NEK2: variants seen among roughly 807,000 people sequenced by gnomAD.
NEK2 encodes NIMA related kinase 2, also known as serine/threonine-protein kinase Nek2.
Under a neutral mutation model 54.1 loss-of-function variants are expected in NEK2, and 28 were observed. The observed-to-expected ratio is 0.52, with a 90% CI of 0.38 to 0.71. NEK2 has a LOEUF of 0.71. NEK2 is among the 30% of genes least tolerant of loss of function. NEK2 has a pLI of 0.00. For missense variants in NEK2, 407 were observed against 531.5 expected, an observed-to-expected ratio of 0.77 and a Z score of 2.30; for synonymous variants, 176 against 193.1, an observed-to-expected ratio of 0.91 and a Z score of 0.73.
chr1:211,670,130 CA>C lies in NEK2; in HGVS notation c.765+150del, dbSNP rs1655324095. Reference sequence around the variant, plus strand: ...AAGGATGTGCAATTTGCCAAATTTACATATGTTTTCACTTGTGTTAACACAG... The same window carrying C: ...AAGGATGTGCAATTTGCCAAATTTACTATGTTTTCACTTGTGTTAACACAG... On this transcript the variant is annotated intron_variant, in intron 5 of 7. Coordinates refer to ENST00000366999, the MANE Select transcript of NEK2 (RefSeq NM_002497.4). 7 of 771,694 alleles carry C rather than the reference CA, an allele frequency of 9.1e-6. 1 individual carries two copies. In the South Asian group the frequency reaches 2.5e-4, roughly 27 times the overall value. 47.8% of individuals were successfully genotyped at this position (771,694 alleles called of 1,614,324 possible).
intron 3 of NEK2, 145 bp downstream of exon 3, chr1:211,673,338 T>C: frequency 1.1e-6 from 1 of 935,940 alleles, no homozygotes; most frequent in Non-Finnish European, 1.6e-6. Flanking sequence ...CCTTTGAACC[T>C]GGGAGGCAGA....
intron 7 of NEK2, chr1:211,666,422 T>C (rs1375024145): frequency 1.2e-6 from 1 of 847,256 alleles, no homozygotes; most frequent in Non-Finnish European, 1.4e-6. Context: ...CATGGCAATA[T>C]TAAAATGTTT....
At chr1:211,667,369 C>T (rs2102441843) in intron 6 of NEK2, 138 bp from the exon 7 acceptor site, 1 of 678,262 alleles carries the variant, frequency 1.5e-6, no homozygotes, top group Non-Finnish European at 2.3e-6. Context: ...TCTCACTATG[C>T]CTCAGTCAAC....
chr1:211,670,130 CAT>C (rs1655324172), intron 5 of NEK2, 149 bp downstream of exon 5: 1 of 771,812 alleles, frequency 1.3e-6, no homozygotes, highest in Non-Finnish European at 1.9e-6. Flanking sequence ...GCCAAATTTA[CAT>C]ATGTTTTCAC....
Position 211,674,425 on chromosome 1 carries a change from A to C in NEK2, c.185T>G (p.Leu62Arg), listed in dbSNP as rs764749288. ...GTAACGAACGATGTTTGGATGTTTCAGTTCACGAAGCAAATTCACTTCAGA... is the reference window on the plus strand; with the variant it reads ...GTAACGAACGATGTTTGGATGTTTCCGTTCACGAAGCAAATTCACTTCAGA... Reference protein sequence around the residue: ...LVSEVNLLRELKHPNIVRYYD... With the variant: ...LVSEVNLLRERKHPNIVRYYD... The change falls in exon 2 of 8, where the codon CTG (leucine) becomes CGG (arginine). Residue 62 changes from leucine to arginine, a missense_variant. Coordinates refer to ENST00000366999, the MANE Select transcript of NEK2 (RefSeq NM_002497.4). The C allele has an allele frequency of 6.8e-6, 11 of 1,614,154 alleles. No individual in the cohort carries two copies.
chr1:211,663,387 T>C lies in NEK2; in HGVS notation c.*39A>G. 6.3e-7 allele frequency: 1 copy of C among 1,575,602 alleles called. No homozygotes were observed. Among genetic ancestry groups the C allele is most frequent in the Admixed American group, 1.9e-5 (1 of 54,042 alleles). On this transcript the variant is annotated 3_prime_UTR_variant, in exon 8 of 8. Coordinates refer to ENST00000366999, the MANE Select transcript of NEK2 (RefSeq NM_002497.4). ...AATATCAGTCTTTAAAGGTTGGTAA[T>C]ATTACATCCTGTACACAGCTCTGTG...
downstream of NEK2, chr1:211,660,383 G>T: frequency 3.2e-6 from 2 of 631,106 alleles, no homozygotes; most frequent in Non-Finnish European, 6.1e-6. Context: ...GCCTCCTTCT[G>T]CCCCTAATTC....
intron 5 of NEK2, 123 bp from the exon 6 acceptor site, chr1:211,669,455 T>C: frequency 1.2e-6 from 1 of 869,392 alleles, no homozygotes; most frequent in East Asian, 2.6e-5. Flanking sequence ...CCTTTATGGC[T>C]AGGTCTTAAA....
chr1:211,659,111 C>G (rs1571635499), downstream of NEK2, among the ~76,000 whole-genome samples: 1 of 151,894 alleles, frequency 6.6e-6, no homozygotes, highest in East Asian at 1.9e-4. Context: ...TTCTAAGTCT[C>G]TACACAAATT....
At position 211,673,705 on chromosome 1, in the gene NEK2, C is replaced by T. The variant is rs1195699209; in HGVS notation, c.333G>A (p.Glu111=). The T allele has an allele frequency of 6.2e-7, 1 of 1,614,168 alleles. No individual in the cohort carries two copies. Among genetic ancestry groups the T allele is most frequent in the South Asian group, 1.1e-5 (1 of 91,084 alleles). The change falls in exon 3 of 8, where the codon GAG becomes GAA. Residue 111 remains glutamate (E), a synonymous_variant. Transcript: ENST00000366999. ...ACTGAGTCATCACTCGAAGAACAAA[C>T]TCTTCATCTAAGTATTGCCTAAAAC... ...GTKERQYLDE[E]FVLRVMTQLT... is the part of the protein sequence containing the mutation.
At chr1:211,671,944 A>G (rs1014152491) in intron 3 of NEK2, among the ~76,000 whole-genome samples, 1 of 152,248 alleles carries the variant, frequency 6.6e-6, no homozygotes, top group African/African-American at 2.4e-5. Context: ...GAAAAGGAAC[A>G]AAAGAATAGG....
chr1:211,675,401 T>G lies in NEK2; in HGVS notation c.79A>C (p.Arg27=). 1 of 1,613,854 alleles carries G rather than the reference T, an allele frequency of 6.2e-7. No individual in the cohort carries two copies. Among genetic ancestry groups the G allele is most frequent in the Non-Finnish European group, 8.5e-7 (1 of 1,179,762 alleles). ...GSYGRCQKIR[R]KSDGKILVWK... is the part of the protein sequence containing the mutation. ...ACGCTCACCTTGCCATCACTCTTCCTCCGGATCTTCTGGCAGCGGCCGTAG... is the reference window on the plus strand; with the variant it reads ...ACGCTCACCTTGCCATCACTCTTCCGCCGGATCTTCTGGCAGCGGCCGTAG... The change falls in exon 1 of 8, where the codon AGG becomes CGG. Residue 27 remains arginine (R), a synonymous_variant. Transcript: ENST00000366999.
intron 4 of NEK2, 144 bp downstream of exon 4, chr1:211,671,058 C>A: frequency 1.6e-6 from 1 of 645,012 alleles, no homozygotes. Context: ...GCCTGTTCAT[C>A]TATCTACCTT....
intron 6 of NEK2, among the ~76,000 whole-genome samples, chr1:211,668,833 C>T (rs1655259838): frequency 6.6e-6 from 1 of 152,080 alleles, no homozygotes; most frequent in Non-Finnish European, 1.5e-5. Context: ...AAAAAAGTAA[C>T]TCTAGAGTAA....
At chr1:211,669,411 A>G (rs1319858260) in intron 5 of NEK2, 79 bp from the exon 6 acceptor site, 3 of 1,310,378 alleles carry the variant, frequency 2.3e-6, no homozygotes, top group Non-Finnish European at 3.2e-6. Flanking sequence ...AAATAAAAGG[A>G]CAAAAATGTG....
At chr1:211,670,164 A>G in intron 5 of NEK2, 117 bp downstream of exon 5, 2 of 1,105,250 alleles carry the variant, frequency 1.8e-6, no homozygotes, top group South Asian at 3.9e-5. Flanking sequence ...CAGTAAATTT[A>G]GCTAAGAAAG....
chr1:211,669,481 G>C (rs1455010277), intron 5 of NEK2, 149 bp from the exon 6 acceptor site: 1 of 670,404 alleles, frequency 1.5e-6, no homozygotes, highest in Non-Finnish European at 2.5e-6. Flanking sequence ...GGAAAAATAA[G>C]TTCACTGGTG....
At chr1:211,667,452 T>C (rs573929732) in intron 6 of NEK2, among the ~76,000 whole-genome samples, 66 of 152,326 alleles carry the variant, frequency 4.3e-4, no homozygotes, top group African/African-American at 1.2e-3. Flanking sequence ...AAAGGACTTG[T>C]TTAAACAAAT....
At position 211,665,785 on chromosome 1, in the gene NEK2, A is replaced by G. The variant is rs535484605; in HGVS notation, c.1111+1321T>C. On this transcript the variant is annotated intron_variant, in intron 7 of 7. Coordinates refer to ENST00000366999, the MANE Select transcript of NEK2 (RefSeq NM_002497.4). ...ATCAGTAGTTTCATTTCTTTCCATCACTTATTCACTACAAAGTTATTGTGA... is the reference window on the plus strand; with the variant it reads ...ATCAGTAGTTTCATTTCTTTCCATCGCTTATTCACTACAAAGTTATTGTGA... Among the ~76,000 whole-genome samples the G allele has an allele frequency of 2.2e-4, 34 of 152,282 alleles. 2 individuals are homozygous for G. In the South Asian group the frequency reaches 6.8e-3, roughly 31 times the overall value.
Sources: gnomAD v4.1 joint callset for allele counts (sites outside exome capture counted in the v4.1 genomes callset) on GRCh38, gnomAD v4.1.1 for gene constraint, MANE v1.5 for transcripts, NCBI Gene and HGNC (gene_info 2026-07-23, HGNC 2026-07-21) for gene names.